The following WFDC10A variants were observed in gnomAD, a reference collection of about 807,000 sequenced individuals.
The protein encoded by WFDC10A is WAP four-disulfide core domain 10A.
Under a neutral mutation model 2.6 loss-of-function variants are expected in WFDC10A, and 2 were observed. The ratio of observed to expected loss-of-function variants is 0.76; its 90% CI spans 0.31 to 2.40. The LOEUF (loss-of-function observed/expected upper bound fraction) is 2.40, where lower values mean the gene tolerates loss of function less well. Ranked by LOEUF, WFDC10A falls within the 30% of genes most tolerant of loss-of-function variation. WFDC10A has a pLI of 0.12. For missense variants in WFDC10A, 84 were observed against 91.8 expected (o/e 0.92, Z 0.35); for synonymous variants, 36 against 36.3 (o/e 0.99, Z 0.03).
intron 1 of WFDC10A, 36 bp from the exon 2 acceptor site, chr20:45,630,834 A>G: frequency 6.5e-7 from 1 of 1,539,522 alleles, no homozygotes; most frequent in Non-Finnish European, 8.7e-7. Context: ...TTCTCTAGGA[A>G]ACTGCGTTTA....
intron 1 of WFDC10A, among the ~76,000 whole-genome samples, chr20:45,630,583 G>C (rs1241792116): frequency 1.3e-5 from 2 of 152,146 alleles, no homozygotes; most frequent in African/African-American, 4.8e-5. Context: ...ACTTCACCAA[G>C]GCCATGACTA....
rs201723680 is a variant in WFDC10A at position 45,631,031 on chromosome 20, G to A, written c.*13G>A. The A allele has an allele frequency of 7.0e-6, 11 of 1,582,728 alleles. No homozygotes were observed. The highest frequency in any genetic ancestry group is 4.5e-5 in the East Asian group (2 of 44,054). On this transcript the variant is annotated 3_prime_UTR_variant, in exon 2 of 2. Coordinates refer to ENST00000372643, the MANE Select transcript of WFDC10A (RefSeq NM_080753.3). ...GAGCATCCTGTGAGTGGGAGAGTGGGCTGGGATGTGCATCCTGCTTCCCAA... is the reference window on the plus strand; with the variant it reads ...GAGCATCCTGTGAGTGGGAGAGTGGACTGGGATGTGCATCCTGCTTCCCAA...
At position 45,629,840 on chromosome 20, in the gene WFDC10A, C is replaced by T; in HGVS notation, c.27C>T (p.Val9=). The change falls in exon 1 of 2, where the codon GTC becomes GTT. Residue 9 remains valine (V), a synonymous_variant. Coordinates refer to ENST00000372643, the MANE Select transcript of WFDC10A (RefSeq NM_080753.3). MAPQTLLP[V]LVLCVLLLQA... is the part of the protein sequence containing the mutation. Reference sequence around the variant, plus strand: ...TGGCACCCCAGACTCTGCTGCCTGTCCTGGTTCTCTGTGTGCTGCTGCTGC... The same window carrying T: ...TGGCACCCCAGACTCTGCTGCCTGTTCTGGTTCTCTGTGTGCTGCTGCTGC... The T allele has an allele frequency of 1.2e-6, 2 of 1,614,006 alleles. No individual in the cohort carries two copies. The highest frequency in any genetic ancestry group is 2.2e-5 in the South Asian group (2 of 91,048).
Position 45,631,169 on chromosome 20 carries a change from C to A in WFDC10A, c.*151C>A. On this transcript the variant is annotated 3_prime_UTR_variant, in exon 2 of 2. Transcript: ENST00000372643. ...TACTGTCTGAACCCCTTGTCCCTGTCAAATAAACCAGAACAAATGCCCAGG... is the reference window on the plus strand; with the variant it reads ...TACTGTCTGAACCCCTTGTCCCTGTAAAATAAACCAGAACAAATGCCCAGG... 1 of 828,234 alleles carries A rather than the reference C, an allele frequency of 1.2e-6. No individual in the cohort carries two copies. The highest frequency in any genetic ancestry group is 1.7e-6 in the Non-Finnish European group (1 of 593,302). 51.3% of individuals were successfully genotyped at this position (828,234 alleles called of 1,614,324 possible).
chr20:45,631,023 G>C lies in WFDC10A; in HGVS notation c.*5G>C, dbSNP rs752105861. 1.3e-6 allele frequency: 2 copies of C among 1,593,694 alleles called. No homozygotes were observed. The highest frequency in any genetic ancestry group is 2.3e-5 in the South Asian group (2 of 87,380). On this transcript the variant is annotated 3_prime_UTR_variant, in exon 2 of 2. Transcript: ENST00000372643. ...GTTTGCATGAGCATCCTGTGAGTGG[G>C]AGAGTGGGCTGGGATGTGCATCCTG...
At chr20:45,630,663 T>G (rs1027998267) in intron 1 of WFDC10A, among the ~76,000 whole-genome samples, 4 of 151,984 alleles carry the variant, frequency 2.6e-5, no homozygotes, top group Non-Finnish European at 5.9e-5. Flanking sequence ...TGTGGTCTAA[T>G]GGGGTAAGGT....
chr20:45,631,049 C>T lies in WFDC10A; in HGVS notation c.*31C>T. The T allele has an allele frequency of 1.3e-6, 2 of 1,563,238 alleles. No homozygotes were observed. The highest frequency in any genetic ancestry group is 1.2e-5 in the South Asian group (1 of 81,550). On this transcript the variant is annotated 3_prime_UTR_variant, in exon 2 of 2. Transcript: ENST00000372643. Reference sequence around the variant, plus strand: ...AGAGTGGGCTGGGATGTGCATCCTGCTTCCCAACTCCTCTATCCAAGACTG... The same window carrying T: ...AGAGTGGGCTGGGATGTGCATCCTGTTTCCCAACTCCTCTATCCAAGACTG...
rs537092750 is a variant in WFDC10A, at chr20:45,630,971, A to T, written c.193A>T (p.Ile65Leu). The change falls in exon 2 of 2, where the codon ATA becomes TTA. Residue 65 changes from isoleucine (I) to leucine (L), a missense_variant. Coordinates refer to ENST00000372643, the MANE Select transcript of WFDC10A (RefSeq NM_080753.3). The part of the protein sequence containing the change: ...ESHRDCQANN[I>L]CCSTYCGNVC... ...TCACCGAGATTGTCAAGCAAATAAC[A>T]TATGCTGTTCTACCTACTGTGGGAA... The T allele has an allele frequency of 6.2e-7, 1 of 1,612,024 alleles. No individual in the cohort carries two copies. Among genetic ancestry groups the T allele is most frequent in the African/African-American group, 1.3e-5 (1 of 74,892 alleles).
At chr20:45,629,935 G>T in intron 1 of WFDC10A, 31 bp downstream of exon 1, 2 of 1,609,822 alleles carry the variant, frequency 1.2e-6, no homozygotes. Flanking sequence ...TGGGTGAGGG[G>T]GAATTGGGTA....
intron 1 of WFDC10A, among the ~76,000 whole-genome samples, chr20:45,630,562 C>T (rs1299952120): frequency 1.3e-5 from 2 of 152,122 alleles, no homozygotes; most frequent in Non-Finnish European, 2.9e-5. Flanking sequence ...ACTGTAGATT[C>T]TTTGGTGGTG....
chr20:45,629,946 G>T, intron 1 of WFDC10A, 42 bp downstream of exon 1: 1 of 1,605,650 alleles, frequency 6.2e-7, no homozygotes, highest in South Asian at 1.1e-5. Flanking sequence ...GAATTGGGTA[G>T]GGGGAATGGA....
In WFDC10A at chr20:45,630,876, A is replaced by G. The variant is rs779621830; in HGVS notation, c.98A>G (p.Gln33Arg). Residue 33 changes from glutamine to arginine, a missense_variant, in exon 2 of 2, where the codon CAG becomes CGG. Transcript: ENST00000372643. ...GTTCTATTCTCCTTGTCAGAAACAC[A>G]GCTATCCCCAGAAATCAAAGTCTGC... ...YRDKKRMQKT[Q>R]LSPEIKVCQQ... 18 of 1,599,260 alleles carry G rather than the reference A, an allele frequency of 1.1e-5. 1 individual carries two copies. The South Asian group carries it at 2.0e-4, about 18-fold the overall frequency.
At chr20:45,630,357 T>G (rs1293945961) in intron 1 of WFDC10A, among the ~76,000 whole-genome samples, 1 of 151,084 alleles carries the variant, frequency 6.6e-6, no homozygotes, top group Non-Finnish European at 1.5e-5. Context: ...CAAGTTAAGG[T>G]TATCATCAAA....
Position 45,631,045 on chromosome 20 carries a change from C to A in WFDC10A, c.*27C>A. 2 of 1,565,300 alleles carry A rather than the reference C, an allele frequency of 1.3e-6. No individual in the cohort carries two copies. The highest frequency in any genetic ancestry group is 1.2e-5 in the South Asian group (1 of 82,152). On this transcript the variant is annotated 3_prime_UTR_variant, in exon 2 of 2. Coordinates refer to ENST00000372643, the MANE Select transcript of WFDC10A (RefSeq NM_080753.3). Reference sequence around the variant, plus strand: ...TGGGAGAGTGGGCTGGGATGTGCATCCTGCTTCCCAACTCCTCTATCCAAG... The same window carrying A: ...TGGGAGAGTGGGCTGGGATGTGCATACTGCTTCCCAACTCCTCTATCCAAG...
intron 1 of WFDC10A, among the ~76,000 whole-genome samples, chr20:45,630,238 G>A (rs1316506218): frequency 1.6e-5 from 1 of 63,934 alleles, no homozygotes; most frequent in South Asian, 6.0e-4. Flanking sequence ...ATGCACATTT[G>A]TGAGGAGTAA....
At chr20:45,629,970 G>A (rs1600926137) in intron 1 of WFDC10A, 66 bp downstream of exon 1, 1 of 1,582,720 alleles carries the variant, frequency 6.3e-7, no homozygotes, top group Middle Eastern at 2.3e-4. Flanking sequence ...CCTGTGTCCA[G>A]TCTGAGTAGG....
chr20:45,630,950 C>G lies in WFDC10A; in HGVS notation c.172C>G (p.Arg58Gly). Residue 58 changes from arginine to glycine, a missense_variant, in exon 2 of 2, where the codon CGA (arginine) becomes GGA (glycine). Transcript: ENST00000372643. Reference sequence around the variant, plus strand: ...ATGCAAACACTTATGTGAATCTCACCGAGATTGTCAAGCAAATAACATATG... The same window carrying G: ...ATGCAAACACTTATGTGAATCTCACGGAGATTGTCAAGCAAATAACATATG... The part of the protein sequence containing the change: ...YLCKHLCESH[R>G]DCQANNICCS... 1.2e-6 allele frequency: 2 copies of G among 1,612,296 alleles called. No individual in the cohort carries two copies. Among genetic ancestry groups the G allele is most frequent in the South Asian group, 1.1e-5 (1 of 90,724 alleles).
chr20:45,629,870 C>T lies in WFDC10A; in HGVS notation c.57C>T (p.Ala19=), dbSNP rs748310110. Residue 19 remains alanine, a synonymous_variant, in exon 1 of 2, where the codon GCC becomes GCT. Coordinates refer to ENST00000372643, the MANE Select transcript of WFDC10A (RefSeq NM_080753.3). ...TTCTCTGTGTGCTGCTGCTGCAGGC[C>T]CAGGGAGGATACCGTGACAAGAAGA... The part of the protein sequence containing the change: ...VLVLCVLLLQ[A]QGGYRDKKRM... The T allele has an allele frequency of 6.2e-7, 1 of 1,613,862 alleles. No homozygotes were observed.
In WFDC10A at chr20:45,631,108, C is replaced by T; in HGVS notation, c.*90C>T. Reference sequence around the variant, plus strand: ...TCCGAAGCACAAGGACCTCAAGTCACCAGCATAAGAACATCAACAGGAATG... The same window carrying T: ...TCCGAAGCACAAGGACCTCAAGTCATCAGCATAAGAACATCAACAGGAATG... On this transcript the variant is annotated 3_prime_UTR_variant, in exon 2 of 2. Coordinates refer to ENST00000372643, the MANE Select transcript of WFDC10A (RefSeq NM_080753.3). 1 of 1,422,128 alleles carries T rather than the reference C, an allele frequency of 7.0e-7. No homozygotes were observed. Among genetic ancestry groups the T allele is most frequent in the South Asian group, 1.6e-5 (1 of 63,066 alleles). The allele number at this position is 1,422,128 out of a possible 1,614,324, so 88.1% of individuals were successfully genotyped here.
Sources: gnomAD v4.1 joint callset for allele counts (sites outside exome capture counted in the v4.1 genomes callset) on GRCh38, gnomAD v4.1.1 for gene constraint, MANE v1.5 for transcripts, NCBI Gene and HGNC (gene_info 2026-07-23, HGNC 2026-07-21) for gene names.